Variants in THSD7B observed in about 807,000 individuals in gnomAD.
THSD7B encodes the protein thrombospondin type 1 domain containing 7B, also known as thrombospondin type-1 domain-containing protein 7B.
In THSD7B, 138 loss-of-function variants were observed where a neutral mutation model predicts 213.6. That is an observed-to-expected ratio of 0.65 (90% CI 0.56 to 0.74). THSD7B has a LOEUF of 0.74. Among genes scored for constraint, THSD7B ranks in the 30% least tolerant of loss-of-function variants. THSD7B has a pLI of 0.00. For missense variants in THSD7B, 1,931 were observed against 1,991.5 expected (o/e 0.97, Z 0.58); for synonymous variants, 742 against 687.0 (o/e 1.08, Z -1.25).
intron 2 of THSD7B, among the ~76,000 whole-genome samples, chr2:137,046,730 C>CAAAAAA (rs59928985): frequency 2.3e-5 from 1 of 44,314 alleles, no homozygotes; most frequent in Non-Finnish European, 4.6e-5. Context: ...AACTCCGTCT[C>CAAAAAA]AAAAAAAAAA....
At chr2:137,118,952 A>C (rs1162747815) in intron 5 of THSD7B, among the ~76,000 whole-genome samples, 1 of 152,120 alleles carries the variant, frequency 6.6e-6, no homozygotes, top group African/African-American at 2.4e-5. Flanking sequence ...AAACCATCAG[A>C]TCTCATGAGA....
intron 1 of THSD7B, among the ~76,000 whole-genome samples, chr2:136,868,541 G>C (rs763722584): frequency 4.6e-5 from 7 of 152,136 alleles, no homozygotes; most frequent in Non-Finnish European, 1.0e-4. Flanking sequence ...AGAATGCAAA[G>C]CTATATTTAC....
intron 17 of THSD7B, among the ~76,000 whole-genome samples, chr2:137,607,592 C>T (rs1181189668): frequency 6.6e-6 from 1 of 152,174 alleles, no homozygotes; most frequent in African/African-American, 2.4e-5. Flanking sequence ...AGGATCCAGA[C>T]TGTATTGCAT....
intron 17 of THSD7B, among the ~76,000 whole-genome samples, chr2:137,600,839 G>T (rs1682063113): frequency 6.6e-6 from 1 of 152,162 alleles, no homozygotes; most frequent in Non-Finnish European, 1.5e-5. Flanking sequence ...TGAGATGATA[G>T]CTCTATGCAT....
chr2:136,792,522 G>A (rs967524047), intron 1 of THSD7B, among the ~76,000 whole-genome samples: 4 of 151,990 alleles, frequency 2.6e-5, no homozygotes, highest in Non-Finnish European at 5.9e-5. Context: ...GGGCTTCTGG[G>A]TGATGGTCTC....
intron 12 of THSD7B, among the ~76,000 whole-genome samples, chr2:137,350,485 G>A (rs1332192091): frequency 1.3e-5 from 2 of 151,804 alleles, no homozygotes; most frequent in African/African-American, 2.4e-5. Flanking sequence ...ACCCGGTAAA[G>A]TCATATCAGT....
chr2:137,631,295 T>A (rs1682737514), intron 20 of THSD7B, among the ~76,000 whole-genome samples: 1 of 152,244 alleles, frequency 6.6e-6, no homozygotes, highest in Non-Finnish European at 1.5e-5. Flanking sequence ...TCTTGAATTT[T>A]CATCAGTTTA....
intron 3 of THSD7B, among the ~76,000 whole-genome samples, chr2:137,059,067 A>G (rs1687222556): frequency 1.3e-5 from 2 of 152,194 alleles, no homozygotes; most frequent in South Asian, 2.1e-4. Context: ...TGGAGGCTGG[A>G]AAGTCCAAAT....
intron 12 of THSD7B, among the ~76,000 whole-genome samples, chr2:137,353,432 A>G (rs997727002): frequency 1.3e-5 from 2 of 152,096 alleles, no homozygotes; most frequent in Non-Finnish European, 2.9e-5. Context: ...TTCCCCGTGT[A>G]TCCTTCACTG....
At chr2:136,844,658 C>A (rs1682978441) in intron 1 of THSD7B, among the ~76,000 whole-genome samples, 1 of 152,188 alleles carries the variant, frequency 6.6e-6, no homozygotes, top group African/African-American at 2.4e-5. Flanking sequence ...ACTATTGAGG[C>A]AGACGTGGAG....
At chr2:137,610,011 G>A (rs777475919) in intron 17 of THSD7B, among the ~76,000 whole-genome samples, 1 of 152,148 alleles carries the variant, frequency 6.6e-6, no homozygotes, top group African/African-American at 2.4e-5. Flanking sequence ...CCTCTAGATT[G>A]TCGGAGTTGC....
At chr2:137,420,673 T>C (rs1314847318) in intron 14 of THSD7B, among the ~76,000 whole-genome samples, 3 of 152,216 alleles carry the variant, frequency 2.0e-5, no homozygotes, top group Admixed American at 6.5e-5. Flanking sequence ...TACTCAATAA[T>C]GGCTCACAAA....
At chr2:136,895,666 A>T (rs1683946341) in intron 2 of THSD7B, among the ~76,000 whole-genome samples, 1 of 152,038 alleles carries the variant, frequency 6.6e-6, no homozygotes. Flanking sequence ...TGTATAATTC[A>T]AACTTTTTAG....
At chr2:137,286,601 CA>C (rs1683188435) in intron 12 of THSD7B, among the ~76,000 whole-genome samples, 1 of 152,044 alleles carries the variant, frequency 6.6e-6, no homozygotes, top group Non-Finnish European at 1.5e-5. Context: ...AAAGTCATTT[CA>C]GTTCATTCAG....
chr2:137,147,107 C>A (rs1679718676), intron 5 of THSD7B, among the ~76,000 whole-genome samples: 1 of 152,038 alleles, frequency 6.6e-6, no homozygotes, highest in African/African-American at 2.4e-5. Context: ...TGACTTGGGT[C>A]TATGTTAGGT....
intron 20 of THSD7B, among the ~76,000 whole-genome samples, chr2:137,635,958 T>A (rs955738549): frequency 2.0e-5 from 3 of 152,154 alleles, no homozygotes; most frequent in African/African-American, 7.2e-5. Context: ...CCGTCTTGCA[T>A]CCCAAACTGC....
At chr2:137,254,383 T>A (rs1340581740) in intron 10 of THSD7B, among the ~76,000 whole-genome samples, 1 of 152,244 alleles carries the variant, frequency 6.6e-6, no homozygotes, top group Non-Finnish European at 1.5e-5. Context: ...ACGAATGTGG[T>A]GACAAGCTCT....
chr2:137,516,656 G>T (rs572730152), intron 15 of THSD7B, among the ~76,000 whole-genome samples: 1 of 152,092 alleles, frequency 6.6e-6, no homozygotes, highest in Non-Finnish European at 1.5e-5. Flanking sequence ...TGGCTCCAGT[G>T]GGTCCACGGA....
chr2:137,302,612 G>A (rs1683632978), intron 12 of THSD7B, among the ~76,000 whole-genome samples: 1 of 152,132 alleles, frequency 6.6e-6, no homozygotes, highest in Non-Finnish European at 1.5e-5. Context: ...GAACAGAGAA[G>A]TGGGGTAGTA....
Sources: gnomAD v4.1 joint callset for allele counts (sites outside exome capture counted in the v4.1 genomes callset) on GRCh38, gnomAD v4.1.1 for gene constraint, MANE v1.5 for transcripts, NCBI Gene and HGNC (gene_info 2026-07-23, HGNC 2026-07-21) for gene names.